PLXNA4: variants seen among roughly 807,000 people sequenced by gnomAD.
The protein encoded by PLXNA4 is plexin-A4.
In PLXNA4, 44 loss-of-function variants were observed where a neutral mutation model predicts 191.8. That is an observed-to-expected ratio of 0.23 (90% CI 0.18 to 0.29). The LOEUF is 0.29. PLXNA4 is among the 10% of genes least tolerant of loss of function. PLXNA4 has a pLI of 1.00. For missense variants in PLXNA4, 1,800 were observed against 2,488.8 expected (o/e 0.72, Z 5.89); for synonymous variants, 1,082 against 1,009.5 (o/e 1.07, Z -1.36).
At chr7:132,406,746 T>A (rs551310455) in intron 3 of PLXNA4, among the ~76,000 whole-genome samples, 5 of 151,490 alleles carry the variant, frequency 3.3e-5, no homozygotes, top group African/African-American at 1.2e-4. Context: ...TTGTTAAGAG[T>A]GAGGGCTAGA....
intron 3 of PLXNA4, among the ~76,000 whole-genome samples, chr7:132,375,285 C>A (rs1319891503): frequency 6.6e-6 from 1 of 152,066 alleles, no homozygotes; most frequent in Non-Finnish European, 1.5e-5. Context: ...CCATCCCGCC[C>A]CCCCCCACGC....
chr7:132,129,644 G>T lies in PLXNA4; in HGVS notation c.*835C>A. On this transcript the variant is annotated 3_prime_UTR_variant, in exon 32 of 32. Coordinates refer to ENST00000321063, the MANE Select transcript of PLXNA4 (RefSeq NM_020911.2). ...AACAAATTCTGCTTCCAGGGTAGAT[G>T]CAACTCTCTTTCCTTTTCTCCCCCT... 1 of 152,628 alleles carries T rather than the reference G, an allele frequency of 6.6e-6. No individual in the cohort carries two copies. The allele number at this position is 152,628 out of a possible 1,614,324, so 9.5% of individuals were successfully genotyped here.
At chr7:132,480,055 C>T (rs903266152) in intron 3 of PLXNA4, among the ~76,000 whole-genome samples, 2 of 152,184 alleles carry the variant, frequency 1.3e-5, no homozygotes, top group Admixed American at 6.5e-5. Flanking sequence ...ACTATTACCC[C>T]AAGTCCCCAT....
Position 132,492,855 on chromosome 7 carries a change from T to C in PLXNA4, c.1189-3381A>G, listed in dbSNP as rs73444858. On this transcript the variant is annotated intron_variant, in intron 2 of 31. Transcript: ENST00000321063. ...AAGCACTTCAATGTAAGATATTTCATGTTGATTTTTTGTGTATAGAAATCC... is the reference window on the plus strand; with the variant it reads ...AAGCACTTCAATGTAAGATATTTCACGTTGATTTTTTGTGTATAGAAATCC... 9.7e-3 allele frequency among the ~76,000 whole-genome samples: 1,479 copies of C among 152,320 alleles called. 32 individuals carry two copies. Among genetic ancestry groups the C allele is most frequent in the African/African-American group, 0.033 (1,383 of 41,574 alleles).
intron 3 of PLXNA4, among the ~76,000 whole-genome samples, chr7:132,433,955 T>A (rs893049708): frequency 5.9e-5 from 9 of 152,118 alleles, no homozygotes; most frequent in African/African-American, 7.2e-5. Context: ...ATGATCCCAG[T>A]CCCTAGAGAT....
intron 2 of PLXNA4, among the ~76,000 whole-genome samples, chr7:132,585,105 A>C (rs1802482972): frequency 6.6e-6 from 1 of 152,142 alleles, no homozygotes; most frequent in African/African-American, 2.4e-5. Context: ...TCATTTCCTA[A>C]AGACCAGCCA....
chr7:132,434,973 G>A (rs1355525078), intron 3 of PLXNA4, among the ~76,000 whole-genome samples: 1 of 152,088 alleles, frequency 6.6e-6, no homozygotes, highest in Non-Finnish European at 1.5e-5. Flanking sequence ...CCTGGGAAGA[G>A]ACACAGGGCT....
intron 3 of PLXNA4, among the ~76,000 whole-genome samples, chr7:132,363,759 C>G (rs1804043854): frequency 6.6e-6 from 1 of 152,220 alleles, no homozygotes; most frequent in Non-Finnish European, 1.5e-5. Flanking sequence ...TTTTGAGGAA[C>G]CATCATACTG....
intron 3 of PLXNA4, among the ~76,000 whole-genome samples, chr7:132,300,407 A>T (rs1801259737): frequency 6.6e-6 from 1 of 152,232 alleles, no homozygotes; most frequent in Non-Finnish European, 1.5e-5. Flanking sequence ...TGGTGCTCAA[A>T]CACTTGAACC....
At chr7:132,422,393 C>T (rs1794880449) in intron 3 of PLXNA4, among the ~76,000 whole-genome samples, 1 of 152,200 alleles carries the variant, frequency 6.6e-6, no homozygotes, top group Admixed American at 6.5e-5. Context: ...TATGTGCACA[C>T]ACAGAGAAGC....
chr7:132,557,098 T>C (rs966204925), intron 1 of PLXNA4, among the ~76,000 whole-genome samples: 3 of 152,166 alleles, frequency 2.0e-5, no homozygotes, highest in Admixed American at 6.5e-5. Context: ...GAACCAGCAG[T>C]GGGATGGGGG....
At chr7:132,510,945 G>A (rs906755813) in intron 1 of PLXNA4, among the ~76,000 whole-genome samples, 7 of 152,176 alleles carry the variant, frequency 4.6e-5, no homozygotes, top group African/African-American at 7.2e-5. Flanking sequence ...GCACAGTGTT[G>A]AAGACAGAAA....
intron 3 of PLXNA4, among the ~76,000 whole-genome samples, chr7:132,331,690 G>A (rs1017223223): frequency 4.6e-5 from 7 of 152,040 alleles, no homozygotes; most frequent in East Asian, 1.9e-4. Flanking sequence ...TATTGCTCTC[G>A]GGCTTTCCTT....
At chr7:132,305,147 G>C (rs1236370823) in intron 3 of PLXNA4, among the ~76,000 whole-genome samples, 1 of 152,204 alleles carries the variant, frequency 6.6e-6, no homozygotes, top group East Asian at 1.9e-4. Flanking sequence ...TTGGGAGAGA[G>C]TGGTGATAAG....
At chr7:132,616,603 T>A (rs1393903842) in intron 2 of PLXNA4, among the ~76,000 whole-genome samples, 1 of 152,188 alleles carries the variant, frequency 6.6e-6, no homozygotes, top group Non-Finnish European at 1.5e-5. Flanking sequence ...AAACTACATG[T>A]CTAACATTAT....
In PLXNA4 at chr7:132,224,279, C is replaced by T. The variant is rs560378881; in HGVS notation, c.1983-638G>A. Among the ~76,000 whole-genome samples the T allele has an allele frequency of 6.6e-5, 10 of 152,292 alleles. No individual in the cohort carries two copies. The East Asian group carries it at 1.7e-3, about 26-fold the overall frequency. ...CACTGCCCCCAACGCAGGTTTGTTG[C>T]TTTGGCCACGAATAGGCCACACTCT... is the stretch of plus-strand genomic sequence containing the variant. On this transcript the variant is annotated intron_variant, in intron 8 of 31. Transcript: ENST00000321063.
At chr7:132,526,350 T>C (rs1212134544) in intron 1 of PLXNA4, among the ~76,000 whole-genome samples, 1 of 152,232 alleles carries the variant, frequency 6.6e-6, no homozygotes, top group Non-Finnish European at 1.5e-5. Context: ...CTGTGACAAC[T>C]GCCTTCTCCT....
At chr7:132,132,119 A>G (rs534038561) in intron 31 of PLXNA4, among the ~76,000 whole-genome samples, 2 of 152,364 alleles carry the variant, frequency 1.3e-5, no homozygotes, top group African/African-American at 4.8e-5. Context: ...AGAGCTGACT[A>G]GAAGCCCAGG....
chr7:132,382,235 A>C (rs1804926907), intron 3 of PLXNA4, among the ~76,000 whole-genome samples: 1 of 152,194 alleles, frequency 6.6e-6, no homozygotes, highest in Non-Finnish European at 1.5e-5. Context: ...GAAGAGGGTT[A>C]AGAGCACAGC....
Sources: gnomAD v4.1 joint callset for allele counts (sites outside exome capture counted in the v4.1 genomes callset) on GRCh38, gnomAD v4.1.1 for gene constraint, MANE v1.5 for transcripts, NCBI Gene and HGNC (gene_info 2026-07-23, HGNC 2026-07-21) for gene names.